The following DIP2C variants were observed in gnomAD, a reference collection of about 807,000 sequenced individuals.
DIP2C encodes disco-interacting protein 2 homolog C.
A neutral mutation model predicts 192.4 loss-of-function variants in DIP2C; 33 were observed. That is an observed-to-expected ratio of 0.17 (90% CI 0.13 to 0.23). The LOEUF is 0.23. DIP2C is among the 10% of genes least tolerant of loss of function. The pLI is 1.00. For missense variants in DIP2C, 1,537 were observed against 2,110.1 expected, an observed-to-expected ratio of 0.73 and a Z score of 5.32; for synonymous variants, 979 against 864.1, an observed-to-expected ratio of 1.13 and a Z score of -2.33.
intron 1 of DIP2C, among the ~76,000 whole-genome samples, chr10:514,849 GATTT>G (rs951087243): frequency 6.6e-6 from 1 of 152,124 alleles, no homozygotes; most frequent in Admixed American, 6.5e-5. Context: ...GTGCTTGGAG[GATTT>G]ATTCCCACTG....
In DIP2C at chr10:393,528, A is replaced by T. The variant is rs540374163; in HGVS notation, c.1261-2665T>A. 6.1e-4 allele frequency among the ~76,000 whole-genome samples: 93 copies of T among 152,312 alleles called. 2 individuals carry two copies. Among genetic ancestry groups the T allele is most frequent in the South Asian group, 5.2e-3 (25 of 4,824 alleles). ...CGCGATGGCTCAGGCCTGTAATCCC[A>T]GCACTTTGGGTGGCCACGGCAGGCA... On this transcript the variant is annotated intron_variant, in intron 10 of 36. Coordinates refer to ENST00000280886, the MANE Select transcript of DIP2C (RefSeq NM_014974.3).
At chr10:548,636 A>T (rs1191989024) in intron 1 of DIP2C, among the ~76,000 whole-genome samples, 4 of 137,370 alleles carry the variant, frequency 2.9e-5, no homozygotes, top group African/African-American at 1.1e-4. Context: ...TGGTGGGGGG[A>T]GGAGATGTGG....
chr10:477,785 A>AGAAAGAAGG (rs898818503), intron 2 of DIP2C, among the ~76,000 whole-genome samples: 1 of 140,592 alleles, frequency 7.1e-6, no homozygotes, highest in Non-Finnish European at 1.6e-5. Context: ...AGAAGGAGAG[A>AGAAAGAAGG]GAAAGAAGGG....
chr10:535,390 A>G (rs1847643078), intron 1 of DIP2C, among the ~76,000 whole-genome samples: 1 of 151,806 alleles, frequency 6.6e-6, no homozygotes, highest in African/African-American at 2.4e-5. Context: ...CTCGGGGGGC[A>G]TTTCCCTTCA....
At chr10:426,378 T>G (rs1266975578) in intron 4 of DIP2C, among the ~76,000 whole-genome samples, 1 of 152,186 alleles carries the variant, frequency 6.6e-6, no homozygotes, top group Non-Finnish European at 1.5e-5. Context: ...TGGAGATAGA[T>G]TCATGATTGT....
chr10:519,082 T>C (rs1401860566), intron 1 of DIP2C, among the ~76,000 whole-genome samples: 2 of 152,216 alleles, frequency 1.3e-5, no homozygotes. Context: ...AACCCCCACC[T>C]GCAGCCCAAG....
intron 4 of DIP2C, among the ~76,000 whole-genome samples, chr10:425,506 T>G (rs1343148891): frequency 7.3e-6 from 1 of 136,486 alleles, no homozygotes; most frequent in Non-Finnish European, 1.7e-5. Context: ...CAGCGGTGAC[T>G]AATATGACAC....
intron 4 of DIP2C, among the ~76,000 whole-genome samples, chr10:435,794 A>G (rs552896942): frequency 2.0e-5 from 3 of 152,274 alleles, no homozygotes; most frequent in Admixed American, 1.3e-4. Context: ...TCAAGTATTA[A>G]AATATTTTCT....
At chr10:526,530 CAAAAAA>C (rs11298752) in intron 1 of DIP2C, among the ~76,000 whole-genome samples, 3 of 139,052 alleles carry the variant, frequency 2.2e-5, no homozygotes, top group East Asian at 2.2e-4. Context: ...CCTACCCCAC[CAAAAAA>C]AAAAAAAAAA....
chr10:592,382 G>A (rs1475542436), intron 1 of DIP2C, among the ~76,000 whole-genome samples: 1 of 152,156 alleles, frequency 6.6e-6, no homozygotes, highest in African/African-American at 2.4e-5. Flanking sequence ...AATGAAGGCT[G>A]AATAGACATA....
chr10:439,189 G>A (rs1589799563), intron 4 of DIP2C, among the ~76,000 whole-genome samples: 1 of 152,230 alleles, frequency 6.6e-6, no homozygotes, highest in East Asian at 1.9e-4. Context: ...AAGAAAAGGA[G>A]GAGCCCAAGG....
rs1963336013 is a variant in DIP2C at position 390,066 on chromosome 10, G to A, written c.1522C>T (p.Leu508=). The change falls in exon 13 of 37, where the codon CTG becomes TTG. Residue 508 remains leucine (L), a synonymous_variant. Transcript: ENST00000280886. Reference sequence around the variant, plus strand: ...GCAGTCCTCGTCACCGTCACACCCAGCACACTGCCATCCTTACACGTCTTG... The same window carrying A: ...GCAGTCCTCGTCACCGTCACACCCAACACACTGCCATCCTTACACGTCTTG... ...EYKTCKDGSV[L]GVTVTRTALL... is the part of the protein sequence containing the mutation. 2 of 1,614,102 alleles carry A rather than the reference G, an allele frequency of 1.2e-6. No individual in the cohort carries two copies. The highest frequency in any genetic ancestry group is 1.7e-6 in the Non-Finnish European group (2 of 1,179,978).
chr10:591,011 C>T (rs1851369759), intron 1 of DIP2C, among the ~76,000 whole-genome samples: 2 of 152,212 alleles, frequency 1.3e-5, no homozygotes, highest in Non-Finnish European at 2.9e-5. Flanking sequence ...CTGACCATTT[C>T]CCTTGTCAAG....
intron 32 of DIP2C, among the ~76,000 whole-genome samples, chr10:293,021 C>T (rs987180227): frequency 6.6e-6 from 1 of 152,234 alleles, no homozygotes; most frequent in East Asian, 1.9e-4. Context: ...AACAGAAGTG[C>T]GCCGGCATAC....
intron 1 of DIP2C, among the ~76,000 whole-genome samples, chr10:535,430 T>TC (rs1384386280): frequency 5.9e-5 from 9 of 151,862 alleles, no homozygotes; most frequent in Non-Finnish European, 5.9e-5. Context: ...CGTCTAGTAC[T>TC]CCCCACAGAA....
At chr10:583,598 G>A (rs1024557890) in intron 1 of DIP2C, among the ~76,000 whole-genome samples, 11 of 152,170 alleles carry the variant, frequency 7.2e-5, no homozygotes, top group Non-Finnish European at 7.3e-5. Flanking sequence ...CCTGGGCCTC[G>A]CTTTCTGCAC....
rs544278197 is a variant in DIP2C at position 295,360 on chromosome 10, C to T, written c.3987-6939G>A. Among the ~76,000 whole-genome samples, 2 of 150,320 alleles carry T rather than the reference C, an allele frequency of 1.3e-5. 1 individual carries two copies. The highest frequency in any genetic ancestry group is 1.3e-4 in the Admixed American group (2 of 15,148). On this transcript the variant is annotated intron_variant, in intron 32 of 36. Coordinates refer to ENST00000280886, the MANE Select transcript of DIP2C (RefSeq NM_014974.3). ...GTGGATCACGAGGTCAGGAGATTGA[C>T]ACCATCTTGGCTAACACAGTGAAAC...
At chr10:422,120 C>T (rs572906813) in intron 5 of DIP2C, among the ~76,000 whole-genome samples, 20 of 152,162 alleles carry the variant, frequency 1.3e-4, no homozygotes, top group Non-Finnish European at 2.4e-4. Context: ...CCGTTATCGG[C>T]GACGTGGTAA....
At chr10:512,922 G>GAGAAAA (rs1554887229) in intron 1 of DIP2C, among the ~76,000 whole-genome samples, 45 of 92,188 alleles carry the variant, frequency 4.9e-4, no homozygotes, top group South Asian at 1.8e-3. Flanking sequence ...CCCACTTCAG[G>GAGAAAA]AAAAAAAAAA....
Sources: gnomAD v4.1 joint callset for allele counts (sites outside exome capture counted in the v4.1 genomes callset) on GRCh38, gnomAD v4.1.1 for gene constraint, MANE v1.5 for transcripts, NCBI Gene and HGNC (gene_info 2026-07-23, HGNC 2026-07-21) for gene names.